FAAP20: variants seen among roughly 807,000 people sequenced by gnomAD.
The protein encoded by FAAP20 is Fanconi anemia core complex-associated protein 20.
FAAP20 carries 12 observed loss-of-function variants against 16.2 expected under a neutral mutation model. The observed-to-expected ratio is 0.74, with a 90% CI of 0.48 to 1.20. FAAP20 has a LOEUF of 1.20. Ranked by LOEUF, FAAP20 falls within the 50% of genes most tolerant of loss-of-function variation. The pLI is 0.00. For missense variants in FAAP20, 288 were observed against 245.8 expected, an observed-to-expected ratio of 1.17 and a Z score of -1.15; for synonymous variants, 141 against 110.7, an observed-to-expected ratio of 1.27 and a Z score of -1.72.
downstream of FAAP20, among the ~76,000 whole-genome samples, chr1:2,187,594 G>A (rs1227074371): frequency 2.0e-5 from 3 of 152,142 alleles, no homozygotes; most frequent in Admixed American, 6.5e-5. Context: ...GTGAGCTACC[G>A]CGCCCGGCCT....
chr1:2,203,698 C>A, upstream of FAAP20: 1 of 964,238 alleles, frequency 1.0e-6, no homozygotes, highest in Non-Finnish European at 1.2e-6. Context: ...TGCCTCAAAT[C>A]CCCTGTTCCT....
intron 3 of FAAP20, chr1:2,191,995 C>G: frequency 1.0e-6 from 1 of 985,498 alleles, no homozygotes; most frequent in Non-Finnish European, 1.2e-6. Context: ...CGGAGAACAC[C>G]AAGGCTGTGA....
intron 3 of FAAP20, chr1:2,190,709 G>A (rs1688121558): frequency 3.0e-6 from 1 of 328,304 alleles, no homozygotes. Context: ...AGGCCAAGTG[G>A]TCAGTGTCCC....
intron 3 of FAAP20, chr1:2,193,425 T>C: frequency 1.4e-6 from 1 of 724,938 alleles, no homozygotes; most frequent in Non-Finnish European, 2.1e-6. Context: ...GCCCCCAGCC[T>C]GCCCTGCCCA....
downstream of FAAP20, among the ~76,000 whole-genome samples, chr1:2,207,909 CGTGTGTGTGTGTGT>C (rs58549960): frequency 6.3e-4 from 92 of 145,890 alleles, no homozygotes; most frequent in East Asian, 2.0e-3. Flanking sequence ...TGGTAACACC[CGTGTGTGTGTGTGT>C]GTGTGTGTGT....
upstream of FAAP20, chr1:2,212,694 T>G (rs1026160118): frequency 2.9e-5 from 8 of 279,958 alleles, no homozygotes; most frequent in African/African-American, 4.5e-5. Context: ...AGAACGCGAG[T>G]CTCTGAAAAG....
upstream of FAAP20, among the ~76,000 whole-genome samples, chr1:2,201,427 A>G (rs188595255): frequency 2.6e-5 from 4 of 152,308 alleles, no homozygotes; most frequent in East Asian, 7.7e-4. Flanking sequence ...CTTTTAGAGA[A>G]AGGGACCTGA....
chr1:2,184,813 A>T, downstream of FAAP20: 1 of 1,376,428 alleles, frequency 7.3e-7, no homozygotes. Flanking sequence ...GCCTGGTGTC[A>T]TCTCTCCAGT....
downstream of FAAP20, chr1:2,185,210 C>T (rs1172900525): frequency 2.7e-5 from 19 of 705,810 alleles, no homozygotes; most frequent in East Asian, 5.4e-5. Flanking sequence ...AGGCCAGCTT[C>T]GTGCTGGAGG....
intron 3 of FAAP20, among the ~76,000 whole-genome samples, chr1:2,204,937 TACCCCGCCCCTCAA>T (rs938107573): frequency 6.7e-5 from 1 of 15,000 alleles, no homozygotes; most frequent in Non-Finnish European, 1.3e-4. Context: ...GGGCCCCCCA[TACCCCGCCCCTCAA>T]GCCCCGCCCC....
intron 1 of FAAP20, 154 bp from the exon 2 acceptor site, chr1:2,194,287 A>C: frequency 2.1e-6 from 1 of 470,394 alleles, no homozygotes; most frequent in Non-Finnish European, 2.7e-6. Flanking sequence ...GGTTGGGGGA[A>C]GGGCTGCTGG....
chr1:2,200,949 G>A, upstream of FAAP20: 1 of 1,203,554 alleles, frequency 8.3e-7, no homozygotes, highest in South Asian at 1.5e-5. Context: ...TTTGTCCCCA[G>A]TTCAGCACGT....
chr1:2,198,298 A>AT, upstream of FAAP20: 1 of 691,760 alleles, frequency 1.4e-6, no homozygotes, highest in Non-Finnish European at 2.1e-6. Context: ...GGGGCATCAG[A>AT]GCCACCCATC....
chr1:2,189,603 G>T lies in FAAP20; in HGVS notation c.*106C>A. ...CCGCCCTGCTTTAATGCGCATGCGGGGGAGCCGAGAGGCGGGGCTGCTGGC... is the reference window on the plus strand; with the variant it reads ...CCGCCCTGCTTTAATGCGCATGCGGTGGAGCCGAGAGGCGGGGCTGCTGGC... On this transcript the variant is annotated 3_prime_UTR_variant, in exon 4 of 4. Coordinates refer to ENST00000378546, the MANE Select transcript of FAAP20 (RefSeq NM_182533.4). The T allele has an allele frequency of 1.2e-6, 1 of 823,626 alleles. No homozygotes were observed. Among genetic ancestry groups the T allele is most frequent in the South Asian group, 1.4e-5 (1 of 70,604 alleles). 51.0% of individuals were successfully genotyped at this position (823,626 alleles called of 1,614,324 possible).
At chr1:2,202,438 A>G (rs1689086657), upstream of FAAP20, among the ~76,000 whole-genome samples, 2 of 152,036 alleles carry the variant, frequency 1.3e-5, no homozygotes, top group African/African-American at 2.4e-5. Context: ...TCCTCGGTTC[A>G]AGCAATCCTC....
Position 2,189,900 on chromosome 1 carries a change from A to T in FAAP20, c.471-119T>A, listed in dbSNP as rs1687984926. The T allele has an allele frequency of 1.9e-5, 16 of 828,218 alleles. No individual in the cohort carries two copies. The South Asian group carries it at 2.1e-4, about 11-fold the overall frequency. 51.3% of individuals were successfully genotyped at this position (828,218 alleles called of 1,614,324 possible). On this transcript the variant is annotated intron_variant, in intron 3 of 3. Transcript: ENST00000378546. ...CGCTGGAGAGGATCCGGCTGGTCAGAAACAAGGGACGGGGCCACCCCAGGG... is the reference window on the plus strand; with the variant it reads ...CGCTGGAGAGGATCCGGCTGGTCAGTAACAAGGGACGGGGCCACCCCAGGG...
At chr1:2,203,049 G>T (rs570290187), upstream of FAAP20, among the ~76,000 whole-genome samples, 1 of 152,210 alleles carries the variant, frequency 6.6e-6, no homozygotes, top group Non-Finnish European at 1.5e-5. Flanking sequence ...TGGGACACTG[G>T]CTGAGACTCT....
At chr1:2,204,973 G>A (rs1292215782) in intron 3 of FAAP20, among the ~76,000 whole-genome samples, 1 of 63,938 alleles carries the variant, frequency 1.6e-5, no homozygotes, top group East Asian at 5.6e-4. Context: ...CCCCCCGGGC[G>A]CCACGCGCCC....
upstream of FAAP20, among the ~76,000 whole-genome samples, chr1:2,204,905 TCAAGCC>T (rs1689182940): frequency 1.2e-4 from 1 of 8,420 alleles, no homozygotes; most frequent in African/African-American, 2.9e-4. Flanking sequence ...GCCCCGCCCC[TCAAGCC>T]CCCCTCCCTC....
Sources: gnomAD v4.1 joint callset for allele counts (sites outside exome capture counted in the v4.1 genomes callset) on GRCh38, gnomAD v4.1.1 for gene constraint, MANE v1.5 for transcripts, NCBI Gene and HGNC (gene_info 2026-07-23, HGNC 2026-07-21) for gene names.